PHACTR2: variants seen among roughly 807,000 people sequenced by gnomAD.
PHACTR2 encodes chromosome 6 open reading frame 56.
A neutral mutation model predicts 76.0 loss-of-function variants in PHACTR2; 30 were observed. The observed-to-expected ratio is 0.39, with a 90% CI of 0.30 to 0.54. The LOEUF is 0.54. PHACTR2 is among the 20% of genes least tolerant of loss of function. PHACTR2 has a pLI of 0.61. For synonymous variants in PHACTR2, 292 were observed against 292.5 expected (o/e 1.00, Z 0.02); for missense variants, 696 against 781.1 (o/e 0.89, Z 1.30).
chr6:143,739,228 C>G lies in PHACTR2; in HGVS notation c.215-9757C>G, dbSNP rs996149798. On this transcript the variant is annotated intron_variant, in intron 2 of 12. Transcript: ENST00000440869. The surrounding 1 kb of genome is among the most constrained non-coding windows in gnomAD (Gnocchi z 4.3). ...TATAGGCGTGCACCACCACGCCCAT[C>G]TAATTTTTGTATTTTTAGTAAAGAC... Among the ~76,000 whole-genome samples, 5 of 152,126 alleles carry G rather than the reference C, an allele frequency of 3.3e-5. No individual in the cohort carries two copies. In the South Asian group the frequency reaches 6.2e-4, roughly 19 times the overall value.
rs1044969648 is a variant in PHACTR2, at chr6:143,767,433, A to C, written c.1232+1635A>C. Among the ~76,000 whole-genome samples the C allele has an allele frequency of 1.3e-5, 2 of 152,328 alleles. No homozygotes were observed. The highest frequency in any genetic ancestry group is 2.9e-5 in the Non-Finnish European group (2 of 68,028). ...GGACAGCCAAGAAAAAATAAATGTCAAATTACAAATTAATTTATTTTCTTT... is the reference window on the plus strand; with the variant it reads ...GGACAGCCAAGAAAAAATAAATGTCCAATTACAAATTAATTTATTTTCTTT... On this transcript the variant is annotated intron_variant, in intron 6 of 12. Coordinates refer to ENST00000440869, the MANE Select transcript of PHACTR2 (RefSeq NM_001100164.2). This position sits in a 1 kb window ranked among gnomAD's most constrained non-coding sequence, Gnocchi z 4.4.
At position 143,559,777 on chromosome 6, in the gene PHACTR2, C is replaced by T. The variant is rs373376072; in HGVS notation, c.217+22570C>T. Among the ~76,000 whole-genome samples, 5 of 120,144 alleles carry T rather than the reference C, an allele frequency of 4.2e-5. No homozygotes were observed. In the East Asian group the frequency reaches 1.4e-3, roughly 34 times the overall value. 78.8% of individuals were successfully genotyped at this position (120,144 alleles called of 152,430 possible). A position where few individuals can be genotyped will look rare whatever the true frequency, so the allele number is the denominator to read the frequency against. The stretch of plus-strand genomic sequence containing the variant: ...CCAGGCTGGAGTGCAATGGTGTGAT[C>T]TCGGCTCACTGCAACCTCTGCTTCC... On this transcript the variant is annotated intron_variant, in intron 1 of 11. Coordinates refer to the PHACTR2 transcript ENST00000367584.
chr6:143,576,210 C>T (rs1230773233), intron 1 of PHACTR2, among the ~76,000 whole-genome samples: 1 of 152,130 alleles, frequency 6.6e-6, no homozygotes, highest in Non-Finnish European at 1.5e-5. Flanking sequence ...CTTTAATTAC[C>T]TTTGAGTTAT....
intron 2 of PHACTR2, among the ~76,000 whole-genome samples, chr6:143,746,739 C>T (rs533503019): frequency 5.9e-5 from 9 of 151,916 alleles, no homozygotes; most frequent in Non-Finnish European, 1.0e-4. Flanking sequence ...GGCTTCCTGC[C>T]GTTGATAAGA....
rs1475406571 is a variant in PHACTR2 at position 143,828,599 on chromosome 6, A to G, written c.*4910A>G. On this transcript the variant is annotated 3_prime_UTR_variant, in exon 13 of 13. Transcript: ENST00000440869. This position sits in a 1 kb window ranked among gnomAD's most constrained non-coding sequence, Gnocchi z 4.7. ...GCTATTCCCACCTAAAGCCAACCCT[A>G]TAAGGATGGGTCATTTTTTAGCCAT... The G allele has an allele frequency of 6.6e-6, 1 of 152,170 alleles. No individual in the cohort carries two copies. Among genetic ancestry groups the G allele is most frequent in the Non-Finnish European group, 1.5e-5 (1 of 68,044 alleles). The allele number at this position is 152,170 out of a possible 1,614,324, so 9.4% of individuals were successfully genotyped here. A position where few individuals can be genotyped will look rare whatever the true frequency, so the allele number is the denominator to read the frequency against.
intron 1 of PHACTR2, among the ~76,000 whole-genome samples, chr6:143,693,260 C>T (rs9399458): frequency 0.16 from 24,488 of 151,974 alleles, 2,104 homozygotes; most frequent in East Asian, 0.34. Context: ...TTTTTTGAGA[C>T]GGAGTCTTAC....
intron 1 of PHACTR2, among the ~76,000 whole-genome samples, chr6:143,577,000 A>G (rs541553798): frequency 3.9e-4 from 60 of 152,232 alleles, no homozygotes; most frequent in Admixed American, 7.9e-4. Flanking sequence ...AAAGCAACAA[A>G]CTACTATATC....
At chr6:143,603,983 C>A (rs180683222), upstream of PHACTR2, among the ~76,000 whole-genome samples, 1 of 151,456 alleles carries the variant, frequency 6.6e-6, no homozygotes, top group East Asian at 2.0e-4. Context: ...CCTGTAACCC[C>A]AGCTATCCAG....
At position 143,597,662 on chromosome 6, in the gene PHACTR2, G is replaced by T. The variant is rs1775769206; in HGVS notation, c.217+60455G>T. ...CTTCAAACAATACATGGTTCCATTT[G>T]TGTTCTAGCATAGAGGTTTTTAAAG... On this transcript the variant is annotated intron_variant, in intron 1 of 11. Coordinates refer to the PHACTR2 transcript ENST00000367584. This position sits in a 1 kb window ranked among gnomAD's most constrained non-coding sequence, Gnocchi z 5.7. Among the ~76,000 whole-genome samples the T allele has an allele frequency of 6.6e-6, 1 of 152,136 alleles. No individual in the cohort carries two copies. The highest frequency in any genetic ancestry group is 1.5e-5 in the Non-Finnish European group (1 of 68,026).
At chr6:143,572,208 G>A (rs1378743658) in intron 1 of PHACTR2, among the ~76,000 whole-genome samples, 1 of 152,194 alleles carries the variant, frequency 6.6e-6, no homozygotes, top group Non-Finnish European at 1.5e-5. Context: ...ATCTTCTGCA[G>A]TTTAGCTCCT....
Position 143,689,661 on chromosome 6 carries a change from ATTTCCCAT to A in PHACTR2, c.46+11465_46+11472del, listed in dbSNP as rs1777596332. On this transcript the variant is annotated intron_variant, in intron 1 of 12. Coordinates refer to ENST00000440869, the MANE Select transcript of PHACTR2 (RefSeq NM_001100164.2). The surrounding 1 kb of genome is among the most constrained non-coding windows in gnomAD (Gnocchi z 4.4). ...ATTTCAGAATCATACATTTCCTATT[ATTTCCCAT>A]TTTCCCATTTTCTCATCTTCTCAAG... 6.8e-6 allele frequency among the ~76,000 whole-genome samples: 1 copy of A among 146,646 alleles called. No homozygotes were observed. Among genetic ancestry groups the A allele is most frequent in the African/African-American group, 2.5e-5 (1 of 39,544 alleles).
At chr6:143,724,367 C>T (rs1205789766) in intron 2 of PHACTR2, among the ~76,000 whole-genome samples, 7 of 151,990 alleles carry the variant, frequency 4.6e-5, no homozygotes, top group African/African-American at 1.7e-4. Context: ...CTCCCGAACT[C>T]GTGATCCACC....
rs904680551 is a variant in PHACTR2, at chr6:143,751,888, G to A, written c.296-1866G>A. Among the ~76,000 whole-genome samples, 1 of 151,336 alleles carries A rather than the reference G, an allele frequency of 6.6e-6. No homozygotes were observed. Among genetic ancestry groups the A allele is most frequent in the African/African-American group, 2.4e-5 (1 of 41,182 alleles). ...CTTCCTTAACACTCAATACTAGAAA[G>A]CCTTTTCAATATACACACCAGCTAA... On this transcript the variant is annotated intron_variant, in intron 3 of 12. Coordinates refer to ENST00000440869, the MANE Select transcript of PHACTR2 (RefSeq NM_001100164.2). The surrounding 1 kb of genome is among the most constrained non-coding windows in gnomAD (Gnocchi z 5.7).
Position 143,801,366 on chromosome 6 carries a change from T to C in PHACTR2, c.1846-5691T>C, listed in dbSNP as rs1191613981. On this transcript the variant is annotated intron_variant, in intron 11 of 12. Transcript: ENST00000440869. This position sits in a 1 kb window ranked among gnomAD's most constrained non-coding sequence, Gnocchi z 4.6. ...ACGTAGATTTGGTCTTTTCACATAG[T>C]CTCATATTTATTGGAGGCTTTGTTC... Among the ~76,000 whole-genome samples the C allele has an allele frequency of 6.6e-6, 1 of 152,196 alleles. No individual in the cohort carries two copies. Among genetic ancestry groups the C allele is most frequent in the Non-Finnish European group, 1.5e-5 (1 of 68,024 alleles).
chr6:143,724,463 A>C (rs956811871), intron 2 of PHACTR2, among the ~76,000 whole-genome samples: 2 of 151,968 alleles, frequency 1.3e-5, no homozygotes, highest in Non-Finnish European at 2.9e-5. Flanking sequence ...GAAAACATTC[A>C]CCTTTTCCAG....
intron 1 of PHACTR2, among the ~76,000 whole-genome samples, chr6:143,657,600 T>C (rs939749338): frequency 6.6e-6 from 1 of 152,184 alleles, no homozygotes; most frequent in Non-Finnish European, 1.5e-5. Context: ...ACGCAGGGCA[T>C]TGATAAAGGA....
In PHACTR2 at chr6:143,793,061, A is replaced by G. The variant is rs1429761139; in HGVS notation, c.1845+4151A>G. Reference sequence around the variant, plus strand: ...CCATTCCCAGCTATCTTATTATTCAAATGCAAAACTTCAGAAAGGCAGGTA... The same window carrying G: ...CCATTCCCAGCTATCTTATTATTCAGATGCAAAACTTCAGAAAGGCAGGTA... On this transcript the variant is annotated intron_variant, in intron 11 of 12. Coordinates refer to ENST00000440869, the MANE Select transcript of PHACTR2 (RefSeq NM_001100164.2). This position sits in a 1 kb window ranked among gnomAD's most constrained non-coding sequence, Gnocchi z 4.4. Among the ~76,000 whole-genome samples, 1 of 152,220 alleles carries G rather than the reference A, an allele frequency of 6.6e-6. No homozygotes were observed. Among genetic ancestry groups the G allele is most frequent in the Non-Finnish European group, 1.5e-5 (1 of 68,034 alleles).
chr6:143,790,632 T>C (rs1180367084), intron 11 of PHACTR2, among the ~76,000 whole-genome samples: 1 of 152,168 alleles, frequency 6.6e-6, no homozygotes, highest in East Asian at 1.9e-4. Flanking sequence ...GAGTTCTTCA[T>C]ATATTCCAGT....
At chr6:143,576,274 C>T (rs551875944) in intron 1 of PHACTR2, among the ~76,000 whole-genome samples, 4 of 152,314 alleles carry the variant, frequency 2.6e-5, no homozygotes, top group South Asian at 2.1e-4. Flanking sequence ...ACTCCGCTCT[C>T]ATGACATAGC....
Sources: gnomAD v4.1 joint callset for allele counts (sites outside exome capture counted in the v4.1 genomes callset) on GRCh38, gnomAD v4.1.1 for gene constraint, Gnocchi (gnomAD v3.1) non-coding constraint, MANE v1.5 for transcripts, NCBI Gene and HGNC (gene_info 2026-07-23, HGNC 2026-07-21) for gene names.